PPFIA2: variants seen among roughly 807,000 people sequenced by gnomAD.
PPFIA2 encodes liprin-alpha-2.
PPFIA2 carries 46 observed loss-of-function variants against 175.5 expected under a neutral mutation model. That is an observed-to-expected ratio of 0.26 (90% CI 0.21 to 0.34). The LOEUF is 0.34. PPFIA2 is among the 10% of genes least tolerant of loss of function. The probability of loss-of-function intolerance (pLI) is 1.00; values close to 1 mark genes in which losing one functional copy is unlikely to be tolerated. For missense variants in PPFIA2, 1,179 were observed against 1,506.1 expected (o/e 0.78, Z 3.60); for synonymous variants, 568 against 511.4 (o/e 1.11, Z -1.49).
chr12:81,758,335 G>A (rs2085014761), intron 2 of PPFIA2, 65 bp downstream of exon 2: 1 of 454,012 alleles, frequency 2.2e-6, no homozygotes, highest in African/African-American at 2.0e-5. Flanking sequence ...GGCGGGGTGG[G>A]GCCGGGGAGG....
intron 4 of PPFIA2, among the ~76,000 whole-genome samples, chr12:81,656,713 A>T (rs1164264006): frequency 6.6e-6 from 1 of 151,892 alleles, no homozygotes; most frequent in Non-Finnish European, 1.5e-5. Flanking sequence ...AGAATTTATT[A>T]TATAAATGAT....
chr12:81,352,729 A>C (rs901060096), intron 17 of PPFIA2, among the ~76,000 whole-genome samples: 1 of 152,156 alleles, frequency 6.6e-6, no homozygotes, highest in East Asian at 1.9e-4. Context: ...CCTTTATTGC[A>C]GTATGTAATG....
chr12:81,382,195 T>C (rs765372569), intron 9 of PPFIA2, among the ~76,000 whole-genome samples: 2 of 152,086 alleles, frequency 1.3e-5, no homozygotes, highest in Non-Finnish European at 2.9e-5. Flanking sequence ...AAAGAAAATG[T>C]AACAAAACAG....
At chr12:81,601,027 G>A (rs2153455702) in intron 4 of PPFIA2, among the ~76,000 whole-genome samples, 1 of 151,936 alleles carries the variant, frequency 6.6e-6, no homozygotes, top group Non-Finnish European at 1.5e-5. Flanking sequence ...TGCTGCATTT[G>A]CATCAGCCAG....
intron 24 of PPFIA2, 51 bp downstream of exon 24, chr12:81,294,784 C>T: frequency 1.3e-6 from 2 of 1,560,474 alleles, no homozygotes; most frequent in African/African-American, 1.3e-5. Context: ...GACTTAGACA[C>T]ACGGCTATTT....
chr12:81,474,576 G>T (rs1191559555), intron 4 of PPFIA2, among the ~76,000 whole-genome samples: 1 of 152,154 alleles, frequency 6.6e-6, no homozygotes, highest in Admixed American at 6.5e-5. Context: ...ACAGGCATGA[G>T]CTATTGAGCC....
chr12:81,709,631 A>G (rs1053694612), intron 3 of PPFIA2, among the ~76,000 whole-genome samples: 5 of 152,100 alleles, frequency 3.3e-5, no homozygotes, highest in Non-Finnish European at 5.9e-5. Context: ...TATTAAAAAT[A>G]TATTATGAGA....
At chr12:81,597,063 G>A (rs532879111) in intron 4 of PPFIA2, among the ~76,000 whole-genome samples, 42 of 152,106 alleles carry the variant, frequency 2.8e-4, no homozygotes, top group Non-Finnish European at 3.8e-4. Flanking sequence ...TTTTTTCCAA[G>A]TATGGTATAA....
intron 4 of PPFIA2, among the ~76,000 whole-genome samples, chr12:81,474,922 T>C (rs1288191509): frequency 3.9e-5 from 6 of 152,094 alleles, no homozygotes; most frequent in Non-Finnish European, 8.8e-5. Context: ...GACTGAAAAA[T>C]CTAGATAGAT....
At chr12:81,656,380 G>A (rs542020511) in intron 4 of PPFIA2, among the ~76,000 whole-genome samples, 1 of 152,248 alleles carries the variant, frequency 6.6e-6, no homozygotes, top group Admixed American at 6.6e-5. Flanking sequence ...ACCTGTTAGA[G>A]AATGGTGATT....
intron 8 of PPFIA2, among the ~76,000 whole-genome samples, chr12:81,396,314 T>C (rs1184239355): frequency 1.3e-5 from 2 of 152,074 alleles, no homozygotes; most frequent in Non-Finnish European, 2.9e-5. Flanking sequence ...TGGCAGACAA[T>C]ACATTACAGA....
chr12:81,708,547 C>A (rs1426387467), intron 3 of PPFIA2, among the ~76,000 whole-genome samples: 1 of 152,134 alleles, frequency 6.6e-6, no homozygotes, highest in Admixed American at 6.5e-5. Flanking sequence ...TAGTGACATG[C>A]AATAGCATTA....
intron 4 of PPFIA2, among the ~76,000 whole-genome samples, chr12:81,549,004 A>C (rs1326324300): frequency 6.6e-6 from 1 of 152,140 alleles, no homozygotes; most frequent in Admixed American, 6.6e-5. Flanking sequence ...ATTAGCAAAA[A>C]TATAAGGAAG....
At chr12:81,265,523 G>A (rs1236134541) in intron 30 of PPFIA2, among the ~76,000 whole-genome samples, 2 of 152,092 alleles carry the variant, frequency 1.3e-5, no homozygotes, top group Non-Finnish European at 2.9e-5. Flanking sequence ...GAATCTGAAT[G>A]TGATCAGCAA....
intron 9 of PPFIA2, among the ~76,000 whole-genome samples, chr12:81,377,800 T>C (rs1233305203): frequency 1.3e-5 from 2 of 152,120 alleles, no homozygotes; most frequent in African/African-American, 4.8e-5. Flanking sequence ...GGAATAAAAG[T>C]GGTTTTGTGA....
intron 5 of PPFIA2, among the ~76,000 whole-genome samples, chr12:81,455,371 C>T (rs570975024): frequency 1.9e-4 from 29 of 152,054 alleles, no homozygotes; most frequent in Non-Finnish European, 3.1e-4. Flanking sequence ...TTGATGCAGT[C>T]GACAACAAAA....
At chr12:81,677,815 A>G (rs1448397208) in intron 3 of PPFIA2, among the ~76,000 whole-genome samples, 1 of 151,944 alleles carries the variant, frequency 6.6e-6, no homozygotes, top group Non-Finnish European at 1.5e-5. Flanking sequence ...GAAATAGGAA[A>G]TGGTGTGATA....
At chr12:81,358,579 C>G (rs2061186326) in intron 15 of PPFIA2, among the ~76,000 whole-genome samples, 1 of 152,076 alleles carries the variant, frequency 6.6e-6, no homozygotes. Flanking sequence ...TTGTGTATAT[C>G]ACAGTATGTG....
intron 24 of PPFIA2, among the ~76,000 whole-genome samples, chr12:81,289,980 T>C (rs1188475487): frequency 1.3e-5 from 2 of 151,768 alleles, no homozygotes; most frequent in Admixed American, 6.6e-5. Context: ...TAATCATATA[T>C]GTGACATTTA....
Sources: gnomAD v4.1 joint callset for allele counts (sites outside exome capture counted in the v4.1 genomes callset) on GRCh38, gnomAD v4.1.1 for gene constraint, MANE v1.5 for transcripts, NCBI Gene and HGNC (gene_info 2026-07-23, HGNC 2026-07-21) for gene names.